The following SLC25A30 variants were observed in gnomAD, a reference collection of about 807,000 sequenced individuals.
The protein encoded by SLC25A30 is kidney mitochondrial carrier protein 1.
Under a neutral mutation model 42.7 loss-of-function variants are expected in SLC25A30, and 29 were observed. The ratio of observed to expected loss-of-function variants is 0.68; its 90% confidence interval spans 0.51 to 0.93. The LOEUF (loss-of-function observed/expected upper bound fraction) is 0.93. Ranked by LOEUF, SLC25A30 falls within the 40% of genes least tolerant of loss-of-function variation. The pLI is 0.00. For synonymous variants in SLC25A30, 124 were observed against 131.0 expected (o/e 0.95, Z 0.37); for missense variants, 300 against 359.7 (o/e 0.83, Z 1.34).
chr13:45,407,438 T>C (rs1353527731), intron 3 of SLC25A30, among the ~76,000 whole-genome samples: 1 of 151,952 alleles, frequency 6.6e-6, no homozygotes, highest in Non-Finnish European at 1.5e-5. Context: ...GTTGTGCCTA[T>C]AGTTCCAGCT....
chr13:45,393,641 C>A lies in SLC25A30; in HGVS notation c.*2333G>T. The stretch of plus-strand genomic sequence containing the variant: ...GGTGGGGAGGTACTTATAGCCAGAA[C>A]CCTGACAACGAGGGGACCAAGTCTC... On this transcript the variant is annotated 3_prime_UTR_variant, in exon 10 of 10. Coordinates refer to ENST00000519676, the MANE Select transcript of SLC25A30 (RefSeq NM_001010875.4). 1 of 985,356 alleles carries A rather than the reference C, an allele frequency of 1.0e-6. No homozygotes were observed. Among genetic ancestry groups the A allele is most frequent in the Non-Finnish European group, 1.2e-6 (1 of 829,914 alleles). 61.0% of individuals were successfully genotyped at this position (985,356 alleles called of 1,614,324 possible).
chr13:45,402,178 T>G (rs1442182370), intron 6 of SLC25A30, 97 bp downstream of exon 6: 2 of 896,718 alleles, frequency 2.2e-6, no homozygotes, highest in Non-Finnish European at 3.6e-6. Flanking sequence ...CCTTACTCCA[T>G]TACGACACTT....
intron 7 of SLC25A30, 84 bp downstream of exon 7, chr13:45,400,999 C>T (rs1881914398): frequency 7.8e-7 from 1 of 1,279,466 alleles, no homozygotes; most frequent in Non-Finnish European, 1.1e-6. Context: ...TGCATTGCAA[C>T]TTTTCAAATA....
Position 45,394,910 on chromosome 13 carries a change from C to T in SLC25A30, c.*1064G>A, listed in dbSNP as rs1010372331. On this transcript the variant is annotated 3_prime_UTR_variant, in exon 10 of 10. Coordinates refer to ENST00000519676, the MANE Select transcript of SLC25A30 (RefSeq NM_001010875.4). Reference sequence around the variant, plus strand: ...AAAACTGGAAACCTGGAAAAATCAACTCTTTGATTCACTACCAACATTTTG... The same window carrying T: ...AAAACTGGAAACCTGGAAAAATCAATTCTTTGATTCACTACCAACATTTTG... The T allele has an allele frequency of 8.1e-6, 8 of 985,254 alleles. No homozygotes were observed. The South Asian group carries it at 3.3e-4, about 40-fold the overall frequency. The allele number at this position is 985,254 out of a possible 1,614,324, so 61.0% of individuals were successfully genotyped here.
At chr13:45,397,536 C>CAA in intron 8 of SLC25A30, 198 bp from the exon 9 acceptor site, 10 of 374,726 alleles carry the variant, frequency 2.7e-5, no homozygotes, top group Admixed American at 4.4e-5. Context: ...ACTAAAAATA[C>CAA]AAAAAAAAAA....
chr13:45,405,970 G>T lies in SLC25A30; in HGVS notation c.220C>A (p.Pro74Thr), dbSNP rs1882466772. 6.2e-7 allele frequency: 1 copy of T among 1,613,954 alleles called. No homozygotes were observed. The highest frequency in any genetic ancestry group is 1.1e-5 in the South Asian group (1 of 91,082). The stretch of plus-strand genomic sequence containing the variant: ...TAGGATGCCTGGCGTAACATCGCGG[G>T]GGCAATCCTGTTAAACCAATGTACA... ...GLKALYSGIAPAMLRQASYGT... is the reference protein window; with the variant it reads ...GLKALYSGIATAMLRQASYGT... The change falls in exon 4 of 10, where the codon CCC becomes ACC. Residue 74 changes from proline (P) to threonine (T), a missense_variant. Physicochemically the swap from Pro to Thr is conservative, Grantham distance 38. Transcript: ENST00000519676.
chr13:45,403,026 G>T (rs1382136172), intron 5 of SLC25A30, among the ~76,000 whole-genome samples: 1 of 152,142 alleles, frequency 6.6e-6, no homozygotes, highest in Non-Finnish European at 1.5e-5. Flanking sequence ...TGTTTAGGGA[G>T]CAAATACGTT....
At chr13:45,404,434 TTGACTC>T in intron 4 of SLC25A30, 22 bp from the exon 5 acceptor site, 1 of 1,542,632 alleles carries the variant, frequency 6.5e-7, no homozygotes, top group Non-Finnish European at 9.0e-7. Flanking sequence ...GACACATTAT[TTGACTC>T]TACATATTTA....
chr13:45,432,909 G>A, the SLC25A30 span, among the ~76,000 whole-genome samples: 3 of 151,428 alleles, frequency 2.0e-5, no homozygotes, highest in South Asian at 2.1e-4. Context: ...TATGGCACAC[G>A]CCTGTAGTCC....
the SLC25A30 span, among the ~76,000 whole-genome samples, chr13:45,427,148 C>T: frequency 1.3e-5 from 2 of 152,014 alleles, no homozygotes; most frequent in East Asian, 3.9e-4. Flanking sequence ...AGGCTGGGTC[C>T]CAAAACTGAT....
At chr13:45,423,588 TA>T in the SLC25A30 span, among the ~76,000 whole-genome samples, 1 of 55,408 alleles carries the variant, frequency 1.8e-5, no homozygotes, top group Admixed American at 2.9e-4. Context: ...AAAATATATA[TA>T]AATATATATA....
chr13:45,424,557 A>C, the SLC25A30 span, among the ~76,000 whole-genome samples: 1 of 78,194 alleles, frequency 1.3e-5, no homozygotes, highest in African/African-American at 4.7e-5. Flanking sequence ...ATATAAATAT[A>C]TATAAATGTA....
the SLC25A30 span, among the ~76,000 whole-genome samples, chr13:45,423,783 T>G: frequency 1.3e-5 from 1 of 75,864 alleles, no homozygotes; most frequent in South Asian, 4.2e-4. Context: ...TATAAATATA[T>G]AAATATATAA....
At chr13:45,425,457 T>TATATATAAGC in the SLC25A30 span, among the ~76,000 whole-genome samples, 4 of 100,760 alleles carry the variant, frequency 4.0e-5, no homozygotes, top group South Asian at 1.0e-3. Flanking sequence ...TATATAAGTG[T>TATATATAAGC]ATATATAAAT....
rs115357590 is a variant in SLC25A30 at position 45,402,592 on chromosome 13, G to A, written c.394-222C>T. On this transcript the variant is annotated intron_variant, in intron 5 of 9. Transcript: ENST00000519676. ...AGATCTCCAAAAAGCATCTAAGAGAGTCCAGAGTCCTACGTACAGCAGTTC... is the reference window on the plus strand; with the variant it reads ...AGATCTCCAAAAAGCATCTAAGAGAATCCAGAGTCCTACGTACAGCAGTTC... Among the ~76,000 whole-genome samples the A allele has an allele frequency of 3.2e-3, 490 of 152,306 alleles. 2 individuals carry two copies. Among genetic ancestry groups the A allele is most frequent in the African/African-American group, 0.011 (466 of 41,572 alleles).
intron 8 of SLC25A30, 150 bp downstream of exon 8, chr13:45,398,788 GCA>G (rs1334917388): frequency 3.1e-6 from 2 of 650,976 alleles, no homozygotes; most frequent in South Asian, 2.2e-5. Context: ...TAAAAGCTAA[GCA>G]CAGTGTGGCA....
intron 1 of SLC25A30, among the ~76,000 whole-genome samples, chr13:45,414,726 C>T (rs1168611323): frequency 6.6e-6 from 1 of 151,984 alleles, no homozygotes; most frequent in South Asian, 2.1e-4. Context: ...CTAAGCTGTA[C>T]TGGCCACAGC....
the SLC25A30 span, among the ~76,000 whole-genome samples, chr13:45,426,331 C>G: frequency 6.6e-6 from 1 of 151,334 alleles, no homozygotes; most frequent in African/African-American, 2.4e-5. Context: ...GTGATCCACC[C>G]GCCCTGGCCT....
Position 45,411,473 on chromosome 13 carries a change from T to G in SLC25A30, c.-48A>C, listed in dbSNP as rs7997155. On this transcript the variant is annotated 5_prime_UTR_variant, in exon 2 of 10. Transcript: ENST00000519676. ...TTTATAGAAACATTGCCTCCAGTGC[T>G]GTTTTTCCTGGACACAACAATAAGA... is the stretch of plus-strand genomic sequence containing the variant. The G allele has an allele frequency of 2.5e-6, 4 of 1,590,528 alleles. No homozygotes were observed. The highest frequency in any genetic ancestry group is 3.4e-6 in the Non-Finnish European group (4 of 1,159,670).
Sources: allele counts gnomAD v4.1 joint callset (sites outside exome capture counted in the v4.1 genomes callset), GRCh38; gene constraint gnomAD v4.1.1; transcripts MANE v1.5; gene names NCBI Gene and HGNC (gene_info 2026-07-23, HGNC 2026-07-21).